SCAPER: variants seen among roughly 807,000 people sequenced by gnomAD.
The protein encoded by SCAPER is S phase cyclin A-associated protein in the endoplasmic reticulum.
SCAPER carries 98 observed loss-of-function variants against 182.2 expected under a neutral mutation model. The ratio of observed to expected loss-of-function variants is 0.54; its 90% confidence interval spans 0.46 to 0.64. SCAPER has a LOEUF of 0.64. SCAPER is among the 30% of genes least tolerant of loss of function. SCAPER has a pLI of 0.00. For synonymous variants in SCAPER, 605 were observed against 564.6 expected, an observed-to-expected ratio of 1.07 and a Z score of -1.01; for missense variants, 1,432 against 1,690.0, an observed-to-expected ratio of 0.85 and a Z score of 2.68.
At position 76,889,226 on chromosome 15, in the gene SCAPER, C is replaced by T. The variant is rs138833438; in HGVS notation, c.-59-5350G>A. Among the ~76,000 whole-genome samples the T allele has an allele frequency of 3.2e-3, 487 of 152,274 alleles. 5 individuals are homozygous for T. The highest frequency in any genetic ancestry group is 0.011 in the African/African-American group (465 of 41,560). ...CGGTACCAGACACTGCAAAAACATG[C>T]CAAATGGTAAAGACCATCGATGCTA... On this transcript the variant is annotated intron_variant, in intron 1 of 31. Coordinates refer to ENST00000563290, the MANE Select transcript of SCAPER (RefSeq NM_020843.4).
At chr15:76,727,210 T>C (rs1238459880) in intron 17 of SCAPER, among the ~76,000 whole-genome samples, 1 of 152,062 alleles carries the variant, frequency 6.6e-6, no homozygotes, top group Non-Finnish European at 1.5e-5. Flanking sequence ...AATTTATAGA[T>C]TCAATGCAAT....
At chr15:76,870,379 A>C (rs1007882800) in intron 2 of SCAPER, among the ~76,000 whole-genome samples, 1 of 152,094 alleles carries the variant, frequency 6.6e-6, no homozygotes, top group Non-Finnish European at 1.5e-5. Context: ...GCAGCAATAA[A>C]ATAAAATAAA....
chr15:76,438,336 G>A lies in SCAPER; in HGVS notation c.3079-4026C>T, dbSNP rs533994165. Among the ~76,000 whole-genome samples, 7 of 151,476 alleles carry A rather than the reference G, an allele frequency of 4.6e-5. No individual in the cohort carries two copies. The East Asian group carries it at 9.7e-4, about 21-fold the overall frequency. On this transcript the variant is annotated intron_variant, in intron 25 of 31. Coordinates refer to ENST00000563290, the MANE Select transcript of SCAPER (RefSeq NM_020843.4). ...ATTTATGGGCTGTTGGGATAATTCTGGGTGAAACATACTAATCTCATTATT... is the reference window on the plus strand; with the variant it reads ...ATTTATGGGCTGTTGGGATAATTCTAGGTGAAACATACTAATCTCATTATT...
At chr15:76,780,623 G>A (rs2064063472) in intron 8 of SCAPER, among the ~76,000 whole-genome samples, 1 of 152,182 alleles carries the variant, frequency 6.6e-6, no homozygotes, top group Admixed American at 6.5e-5. Flanking sequence ...ATACCTCCCT[G>A]TAGGGGCCAA....
chr15:76,652,375 T>C (rs868060755), intron 21 of SCAPER, among the ~76,000 whole-genome samples: 35 of 46,990 alleles, frequency 7.4e-4, no homozygotes, highest in East Asian at 2.4e-3. Context: ...CACACACATA[T>C]ATATATATAT....
chr15:76,872,942 C>CATTAAG (rs1397469938), intron 2 of SCAPER, among the ~76,000 whole-genome samples: 2 of 151,788 alleles, frequency 1.3e-5, no homozygotes, highest in African/African-American at 4.8e-5. Flanking sequence ...TTATAATAGA[C>CATTAAG]TCTAGTAAGT....
At chr15:76,577,085 C>T (rs1042911430) in intron 22 of SCAPER, 7 of 152,226 alleles carry the variant, frequency 4.6e-5, no homozygotes, top group African/African-American at 1.7e-4. Context: ...CCTCTCTCAA[C>T]CCCAGGCAGC....
chr15:76,511,891 T>A (rs1247986380), intron 23 of SCAPER, among the ~76,000 whole-genome samples: 3 of 116,994 alleles, frequency 2.6e-5, no homozygotes, highest in African/African-American at 9.2e-5. Context: ...ATATATTTTT[T>A]TTTTTTTTTG....
rs375420744 is a variant in SCAPER, at chr15:76,765,557, C to A, written c.1495+6G>T. On this transcript the variant is annotated splice_donor_region_variant and intron_variant, in intron 12 of 31. Transcript: ENST00000563290. ...ACTACACACCCAATATGCATATACA[C>A]AATACCTTCATAATCTGCAAGGACA... 27 of 1,599,396 alleles carry A rather than the reference C, an allele frequency of 1.7e-5. No individual in the cohort carries two copies. Among genetic ancestry groups the A allele is most frequent in the Middle Eastern group, 3.3e-4 (2 of 6,046 alleles).
At chr15:76,362,174 T>A (rs541449089) in intron 29 of SCAPER, among the ~76,000 whole-genome samples, 1 of 152,074 alleles carries the variant, frequency 6.6e-6, no homozygotes, top group African/African-American at 2.4e-5. Context: ...GGTTTCACCA[T>A]GTTGGCCAGG....
intron 21 of SCAPER, among the ~76,000 whole-genome samples, chr15:76,642,939 T>C (rs2054220033): frequency 6.6e-6 from 1 of 152,228 alleles, no homozygotes; most frequent in African/African-American, 2.4e-5. Flanking sequence ...AGGAGGAAAT[T>C]ATTTCTTTTA....
At chr15:76,711,617 A>G (rs540989790) in intron 17 of SCAPER, among the ~76,000 whole-genome samples, 2 of 152,202 alleles carry the variant, frequency 1.3e-5, no homozygotes, top group Admixed American at 6.5e-5. Flanking sequence ...ATAGTTTTTA[A>G]TGATTGCCAT....
At chr15:76,684,269 G>C (rs2057903420) in intron 20 of SCAPER, among the ~76,000 whole-genome samples, 1 of 152,096 alleles carries the variant, frequency 6.6e-6, no homozygotes, top group Admixed American at 6.5e-5. Flanking sequence ...AGAGTGGCAA[G>C]CTGGATAAAA....
intron 22 of SCAPER, among the ~76,000 whole-genome samples, chr15:76,588,981 C>T (rs904609605): frequency 5.9e-5 from 9 of 152,028 alleles, no homozygotes; most frequent in African/African-American, 1.9e-4. Context: ...TGTGGCTTCC[C>T]GAGAGCTGAA....
chr15:76,669,862 T>A (rs180819875), intron 20 of SCAPER, among the ~76,000 whole-genome samples: 22 of 152,342 alleles, frequency 1.4e-4, no homozygotes, highest in African/African-American at 5.3e-4. Flanking sequence ...TATCTTCAGT[T>A]TTGTGAAAGA....
intron 20 of SCAPER, among the ~76,000 whole-genome samples, chr15:76,666,838 A>G (rs998173774): frequency 2.0e-5 from 3 of 152,194 alleles, no homozygotes; most frequent in African/African-American, 4.8e-5. Context: ...AACAATGTGC[A>G]TATGTGCCCG....
intron 21 of SCAPER, among the ~76,000 whole-genome samples, chr15:76,639,189 T>C (rs930626715): frequency 7.9e-5 from 12 of 152,204 alleles, no homozygotes; most frequent in Admixed American, 7.9e-4. Context: ...ATAATTAATA[T>C]GGAAGGACTG....
Position 76,408,732 on chromosome 15 carries a change from A to G in SCAPER, c.3312-4053T>C, listed in dbSNP as rs1032028912. ...AAGCTCAAGCAAAGACGGCTGGAACATTCTATGGTTTTCTGACTCCTGATA... is the reference window on the plus strand; with the variant it reads ...AAGCTCAAGCAAAGACGGCTGGAACGTTCTATGGTTTTCTGACTCCTGATA... On this transcript the variant is annotated intron_variant, in intron 26 of 31. Coordinates refer to ENST00000563290, the MANE Select transcript of SCAPER (RefSeq NM_020843.4). 4.0e-5 allele frequency among the ~76,000 whole-genome samples: 6 copies of G among 151,884 alleles called. No individual in the cohort carries two copies. The South Asian group carries it at 6.2e-4, about 16-fold the overall frequency.
At chr15:76,635,287 C>T (rs1442789152) in intron 21 of SCAPER, among the ~76,000 whole-genome samples, 2 of 152,126 alleles carry the variant, frequency 1.3e-5, no homozygotes, top group Non-Finnish European at 2.9e-5. Context: ...TACATTCACT[C>T]ATACTGGTAT....
Sources: gnomAD v4.1 joint callset for allele counts (sites outside exome capture counted in the v4.1 genomes callset) on GRCh38, gnomAD v4.1.1 for gene constraint, MANE v1.5 for transcripts, NCBI Gene and HGNC (gene_info 2026-07-23, HGNC 2026-07-21) for gene names.